CADPS: variants seen among roughly 807,000 people sequenced by gnomAD.
The protein encoded by CADPS is calcium dependent secretion activator, also known as calcium-dependent secretion activator 1.
CADPS carries 57 observed loss-of-function variants against 167.3 expected under a neutral mutation model. The observed-to-expected ratio is 0.34, with a 90% CI of 0.28 to 0.42. The LOEUF is 0.42. Ranked by LOEUF, CADPS falls within the 20% of genes least tolerant of loss-of-function variation. CADPS has a pLI of 1.00. For synonymous variants in CADPS, 676 were observed against 635.3 expected (o/e 1.06, Z -0.96); for missense variants, 1,414 against 1,738.1 (o/e 0.81, Z 3.32).
intron 3 of CADPS, among the ~76,000 whole-genome samples, chr3:62,694,730 C>A (rs1025172595): frequency 6.6e-6 from 1 of 152,024 alleles, no homozygotes; most frequent in Non-Finnish European, 1.5e-5. Flanking sequence ...GGCTTCTGCC[C>A]ATAGAATTAA....
intron 28 of CADPS, among the ~76,000 whole-genome samples, chr3:62,419,397 T>G (rs770297553): frequency 2.2e-4 from 33 of 152,174 alleles, no homozygotes; most frequent in South Asian, 4.1e-4. Context: ...CCCCCATGCC[T>G]TTAGCCTCCA....
At chr3:62,724,800 G>A (rs1027651303) in intron 3 of CADPS, among the ~76,000 whole-genome samples, 1 of 152,142 alleles carries the variant, frequency 6.6e-6, no homozygotes, top group Non-Finnish European at 1.5e-5. Context: ...GATAGCTTCC[G>A]AAAAAGACAA....
At position 62,547,599 on chromosome 3, in the gene CADPS, CG is replaced by C. The variant is rs1386968577; in HGVS notation, c.1966+2303del. Reference sequence around the variant, plus strand: ...GATATCATTTACGCCCCCCCCCCCCCGCAAATTCTAACTCTTAGGAGTTTGC... The same window carrying C: ...GATATCATTTACGCCCCCCCCCCCCCCAAATTCTAACTCTTAGGAGTTTGC... On this transcript the variant is annotated intron_variant, in intron 11 of 29. Coordinates refer to ENST00000383710, the MANE Select transcript of CADPS (RefSeq NM_003716.4). Among the ~76,000 whole-genome samples, 135 of 113,318 alleles carry C rather than the reference CG, an allele frequency of 1.2e-3. 7 individuals carry two copies. Among genetic ancestry groups the C allele is most frequent in the Admixed American group, 3.7e-3 (45 of 12,240 alleles). The allele number at this position is 113,318 out of a possible 152,430, so 74.3% of individuals were successfully genotyped here.
intron 8 of CADPS, among the ~76,000 whole-genome samples, chr3:62,581,971 T>C (rs373368470): frequency 9.2e-5 from 14 of 152,266 alleles, no homozygotes; most frequent in Admixed American, 5.2e-4. Context: ...CAAGAAGCAG[T>C]GTTGATTTTT....
At chr3:62,693,969 G>A (rs72876431) in intron 3 of CADPS, among the ~76,000 whole-genome samples, 28,064 of 151,852 alleles carry the variant, frequency 0.18, 3,417 homozygotes, top group African/African-American at 0.35. Context: ...AGTCACAAAG[G>A]ATATCACAAG....
chr3:62,827,419 A>G lies in CADPS; in HGVS notation c.441+47170T>C, dbSNP rs2074267448. ...CTATCATTTAACCCTTATAACCCCC[A>G]TGAGGCACATACTTTAATACCCATT... On this transcript the variant is annotated intron_variant, in intron 1 of 29. Coordinates refer to ENST00000383710, the MANE Select transcript of CADPS (RefSeq NM_003716.4). 2.6e-5 allele frequency among the ~76,000 whole-genome samples: 4 copies of G among 152,152 alleles called. No homozygotes were observed. In the South Asian group the frequency reaches 8.3e-4, roughly 32 times the overall value.
intron 1 of CADPS, among the ~76,000 whole-genome samples, chr3:62,794,506 T>C (rs1042220422): frequency 6.6e-6 from 1 of 152,062 alleles, no homozygotes; most frequent in Non-Finnish European, 1.5e-5. Flanking sequence ...GTGTTCGAAC[T>C]CAGGAGGCCA....
rs369820082 is a variant in CADPS, at chr3:62,585,166, T to G, written c.1577+19A>C. 1.2e-6 allele frequency: 2 copies of G among 1,611,496 alleles called. No individual in the cohort carries two copies. Among genetic ancestry groups the G allele is most frequent in the Middle Eastern group, 1.6e-4 (1 of 6,074 alleles). ...ACAGACGTGTGTCCAAAACTGCTAG[T>G]TGGGGAAGAAACACTTACCCAGAAT... On this transcript the variant is annotated intron_variant, in intron 8 of 29. Coordinates refer to ENST00000383710, the MANE Select transcript of CADPS (RefSeq NM_003716.4).
chr3:62,715,673 C>T (rs1581008831), intron 3 of CADPS, among the ~76,000 whole-genome samples: 2 of 150,110 alleles, frequency 1.3e-5, no homozygotes, highest in Admixed American at 6.7e-5. Flanking sequence ...TGCTAATTCA[C>T]GTTTATCCCT....
intron 3 of CADPS, among the ~76,000 whole-genome samples, chr3:62,726,055 A>G (rs2076692539): frequency 6.6e-6 from 1 of 151,804 alleles, no homozygotes; most frequent in African/African-American, 2.4e-5. Flanking sequence ...CCTATGGTTA[A>G]GAATGCTACT....
chr3:62,410,110 T>C lies in CADPS; in HGVS notation c.3778-6925A>G, dbSNP rs116768410. Among the ~76,000 whole-genome samples, 460 of 152,182 alleles carry C rather than the reference T, an allele frequency of 3.0e-3. 5 individuals are homozygous for C. Among genetic ancestry groups the C allele is most frequent in the African/African-American group, 0.01 (432 of 41,518 alleles). ...ACCCCATGCCTGTAAGTGAGGGAAA[T>C]ATTTCACCCAATATCATAAAAATGA... On this transcript the variant is annotated intron_variant, in intron 28 of 29. Transcript: ENST00000383710.
chr3:62,457,922 G>A (rs2058886372), intron 26 of CADPS, among the ~76,000 whole-genome samples: 2 of 152,116 alleles, frequency 1.3e-5, no homozygotes, highest in African/African-American at 4.8e-5. Context: ...CACACACTGG[G>A]GCCTGTTGAA....
At chr3:62,695,945 G>T (rs541524555) in intron 3 of CADPS, among the ~76,000 whole-genome samples, 68 of 152,124 alleles carry the variant, frequency 4.5e-4, no homozygotes, top group Middle Eastern at 3.4e-3. Flanking sequence ...TAGGGGGTTG[G>T]GTCTTTATTC....
intron 1 of CADPS, among the ~76,000 whole-genome samples, chr3:62,806,671 C>T (rs1219448008): frequency 6.6e-6 from 1 of 152,100 alleles, no homozygotes; most frequent in African/African-American, 2.4e-5. Context: ...TAAGGACATA[C>T]AGCTAGTAAT....
intron 3 of CADPS, among the ~76,000 whole-genome samples, chr3:62,690,277 C>A (rs1253259861): frequency 1.3e-5 from 2 of 151,974 alleles, no homozygotes; most frequent in Non-Finnish European, 2.9e-5. Flanking sequence ...AAAGTTGTGA[C>A]TTATTGTCAA....
At chr3:62,779,569 G>C (rs2091136704) in intron 1 of CADPS, 1 of 532,624 alleles carries the variant, frequency 1.9e-6, no homozygotes, top group Non-Finnish European at 3.8e-6. Flanking sequence ...CAGGCTTATG[G>C]GACATAATTC....
intron 12 of CADPS, among the ~76,000 whole-genome samples, chr3:62,533,995 G>A (rs1043991500): frequency 1.3e-5 from 2 of 152,178 alleles, no homozygotes; most frequent in African/African-American, 4.8e-5. Flanking sequence ...GAGCAGGTTT[G>A]GTGGCATGAT....
At chr3:62,529,396 A>T (rs2073118109) in intron 13 of CADPS, among the ~76,000 whole-genome samples, 1 of 152,186 alleles carries the variant, frequency 6.6e-6, no homozygotes, top group Non-Finnish European at 1.5e-5. Context: ...TCTCTGCTCC[A>T]CTTGGATGTT....
chr3:62,600,773 G>C (rs2059843045), intron 6 of CADPS, among the ~76,000 whole-genome samples: 1 of 152,202 alleles, frequency 6.6e-6, no homozygotes, highest in Non-Finnish European at 1.5e-5. Context: ...ACGTGTGAGA[G>C]TGTCTCAGCT....
Sources: allele counts gnomAD v4.1 joint callset (sites outside exome capture counted in the v4.1 genomes callset), GRCh38; gene constraint gnomAD v4.1.1; transcripts MANE v1.5; gene names NCBI Gene and HGNC (gene_info 2026-07-23, HGNC 2026-07-21).